PPP1R1C: variants seen among roughly 807,000 people sequenced by gnomAD.
PPP1R1C encodes the protein protein phosphatase 1 regulatory inhibitor subunit 1C.
In PPP1R1C, 15 loss-of-function variants were observed where a neutral mutation model predicts 17.4. That is an observed-to-expected ratio of 0.86 (90% CI 0.58 to 1.33). The LOEUF is 1.33. Among genes scored for constraint, PPP1R1C ranks in the 40% most tolerant of loss-of-function variants. The pLI, the probability that PPP1R1C is intolerant of heterozygous loss-of-function variation, is 0.00. For missense variants in PPP1R1C, 143 were observed against 130.0 expected (o/e 1.10, Z -0.48); for synonymous variants, 35 against 43.1 (o/e 0.81, Z 0.73).
chr2:182,115,210 C>A (rs1160394409), intron 4 of PPP1R1C, among the ~76,000 whole-genome samples: 2 of 152,024 alleles, frequency 1.3e-5, no homozygotes, highest in African/African-American at 4.8e-5. Context: ...GAGGGAACCC[C>A]AAGACCTTGG....
At chr2:182,114,398 C>T (rs902481063) in intron 4 of PPP1R1C, among the ~76,000 whole-genome samples, 2 of 140,700 alleles carry the variant, frequency 1.4e-5, no homozygotes, top group African/African-American at 5.7e-5. Context: ...CCTCAAACAT[C>T]AAATGGGGGT....
chr2:181,987,161 C>T (rs1685322850), intron 1 of PPP1R1C, among the ~76,000 whole-genome samples: 1 of 151,756 alleles, frequency 6.6e-6, no homozygotes, highest in African/African-American at 2.4e-5. Flanking sequence ...ATCCTACTGA[C>T]ACTTACTTTG....
chr2:182,115,917 A>C (rs1689566883), intron 4 of PPP1R1C, among the ~76,000 whole-genome samples: 1 of 152,150 alleles, frequency 6.6e-6, no homozygotes, highest in Non-Finnish European at 1.5e-5. Flanking sequence ...TTTTTTAGTA[A>C]TACTTAAAAA....
At chr2:182,009,352 A>C (rs1259396534) in intron 2 of PPP1R1C, among the ~76,000 whole-genome samples, 2 of 152,076 alleles carry the variant, frequency 1.3e-5, no homozygotes, top group African/African-American at 4.8e-5. Context: ...ATCTCATAGT[A>C]GTTTTGATTT....
intron 2 of PPP1R1C, chr2:182,048,874 T>A (rs773584563): frequency 1.3e-5 from 2 of 152,350 alleles, no homozygotes; most frequent in Non-Finnish European, 2.9e-5. Flanking sequence ...TCTTGGAAGC[T>A]AAGCAGTGTT....
At chr2:182,125,935 G>GT (rs761227680) in intron 5 of PPP1R1C, among the ~76,000 whole-genome samples, 2 of 151,882 alleles carry the variant, frequency 1.3e-5, no homozygotes, top group Non-Finnish European at 2.9e-5. Context: ...GCTATTAGTT[G>GT]TTTCTTGTCT....
intron 2 of PPP1R1C, among the ~76,000 whole-genome samples, chr2:182,028,655 G>C (rs1686704665): frequency 6.6e-6 from 1 of 151,600 alleles, no homozygotes; most frequent in Non-Finnish European, 1.5e-5. Context: ...TTTGGAATAG[G>C]TGTGGTGTGG....
Position 181,985,986 on chromosome 2 carries a change from C to A in PPP1R1C, c.-125C>A. 1.3e-6 allele frequency: 1 copy of A among 743,900 alleles called. No homozygotes were observed. Among genetic ancestry groups the A allele is most frequent in the Non-Finnish European group, 2.4e-6 (1 of 423,594 alleles). The allele number at this position is 743,900 out of a possible 1,614,324, so 46.1% of individuals were successfully genotyped here. A position where few individuals can be genotyped will look rare whatever the true frequency, so the allele number is the denominator to read the frequency against. On this transcript the variant is annotated 5_prime_UTR_variant, in exon 1 of 5. Transcript: ENST00000682840. The surrounding 1 kb of genome is among the most constrained non-coding windows in gnomAD (Gnocchi z 4.1). ...TCTTCACTTGCTCGATCTGGAATTA[C>A]AGCTATTTATTACGAAGCACTCTGT...
At chr2:182,041,216 C>T (rs1229214846) in intron 2 of PPP1R1C, among the ~76,000 whole-genome samples, 3 of 152,080 alleles carry the variant, frequency 2.0e-5, no homozygotes, top group Non-Finnish European at 2.9e-5. Flanking sequence ...ATAGGAATTG[C>T]ATTGGATGTG....
At chr2:182,053,611 T>C (rs970835449) in intron 2 of PPP1R1C, among the ~76,000 whole-genome samples, 2 of 152,130 alleles carry the variant, frequency 1.3e-5, no homozygotes, top group African/African-American at 2.4e-5. Flanking sequence ...TTTACTTCCA[T>C]GGTCTGGGCG....
chr2:181,966,398 C>T (rs1022781450), intron 1 of PPP1R1C, among the ~76,000 whole-genome samples: 3 of 152,108 alleles, frequency 2.0e-5, no homozygotes, highest in African/African-American at 7.2e-5. Context: ...TAGAGGAAAG[C>T]CTTTCAGTTT....
In PPP1R1C at chr2:182,062,406, T is replaced by C. The variant is rs542518166; in HGVS notation, c.180+927T>C. ...TCTATTTGATCTTTAAATATGTGTA[T>C]GGAAGTAAATATTAAAAATCCCTAA... On this transcript the variant is annotated intron_variant, in intron 3 of 4. Coordinates refer to ENST00000682840, the MANE Select transcript of PPP1R1C (RefSeq NM_001080545.3). Among the ~76,000 whole-genome samples, 4 of 152,220 alleles carry C rather than the reference T, an allele frequency of 2.6e-5. No homozygotes were observed. The South Asian group carries it at 8.3e-4, about 32-fold the overall frequency.
intron 1 of PPP1R1C, among the ~76,000 whole-genome samples, chr2:181,972,575 A>G (rs1271502250): frequency 2.0e-5 from 3 of 152,168 alleles, no homozygotes; most frequent in African/African-American, 7.2e-5. Context: ...CAGAAGGAGC[A>G]TTTGAACTTG....
intron 2 of PPP1R1C, among the ~76,000 whole-genome samples, chr2:182,002,726 G>T (rs1326704571): frequency 6.6e-6 from 1 of 151,974 alleles, no homozygotes; most frequent in East Asian, 1.9e-4. Context: ...TATGCTTCAT[G>T]ATCTAGACTG....
intron 4 of PPP1R1C, chr2:182,103,766 C>T (rs1256124613): frequency 6.6e-6 from 1 of 152,254 alleles, no homozygotes; most frequent in Non-Finnish European, 1.5e-5. Flanking sequence ...CAAGAAACTT[C>T]CTGGCGGCCA....
At position 182,015,605 on chromosome 2, in the gene PPP1R1C, G is replaced by T. The variant is rs144769957; in HGVS notation, c.142+27706G>T. On this transcript the variant is annotated intron_variant, in intron 2 of 4. Coordinates refer to ENST00000682840, the MANE Select transcript of PPP1R1C (RefSeq NM_001080545.3). Reference sequence around the variant, plus strand: ...CAGCTGATGTTTATTCAATGCCCAAGAAAATGTCAGTCAGCAGGTGATGAA... The same window carrying T: ...CAGCTGATGTTTATTCAATGCCCAATAAAATGTCAGTCAGCAGGTGATGAA... Among the ~76,000 whole-genome samples the T allele has an allele frequency of 9.5e-4, 145 of 152,200 alleles. 1 individual carries two copies. Among genetic ancestry groups the T allele is most frequent in the African/African-American group, 3.3e-3 (139 of 41,532 alleles).
At chr2:182,122,419 T>G (rs916184427), downstream of PPP1R1C, among the ~76,000 whole-genome samples, 4 of 152,190 alleles carry the variant, frequency 2.6e-5, no homozygotes, top group Admixed American at 6.5e-5. Flanking sequence ...ATTCCATACC[T>G]ATTATGCTTA....
Position 182,117,709 on chromosome 2 carries a change from G to GTGTGTA in PPP1R1C, c.*418_*419insTATGTG, listed in dbSNP as rs1553514602. 20 of 155,678 alleles carry GTGTGTA rather than the reference G, an allele frequency of 1.3e-4. No homozygotes were observed. The highest frequency in any genetic ancestry group is 4.8e-4 in the African/African-American group (20 of 41,450). 9.6% of individuals were successfully genotyped at this position (155,678 alleles called of 1,614,324 possible). ...TAGACATGAGTGTGTGTGTGTGTGT[G>GTGTGTA]TGTGGGTTTAGCTTAAAGAGAAATA... On this transcript the variant is annotated 3_prime_UTR_variant, in exon 5 of 5. Coordinates refer to ENST00000682840, the MANE Select transcript of PPP1R1C (RefSeq NM_001080545.3).
chr2:182,110,814 C>T (rs1689394684), intron 4 of PPP1R1C, among the ~76,000 whole-genome samples: 1 of 152,158 alleles, frequency 6.6e-6, no homozygotes, highest in African/African-American at 2.4e-5. Flanking sequence ...CATTCTGTCT[C>T]TTTCTAAAGT....
Sources: gnomAD v4.1 joint callset for allele counts (sites outside exome capture counted in the v4.1 genomes callset) on GRCh38, gnomAD v4.1.1 for gene constraint, Gnocchi (gnomAD v3.1) non-coding constraint, MANE v1.5 for transcripts, NCBI Gene and HGNC (gene_info 2026-07-23, HGNC 2026-07-21) for gene names.